The following DLGAP1 variants were observed in gnomAD, a reference collection of about 807,000 sequenced individuals.
The protein encoded by DLGAP1 is DLG associated protein 1.
In DLGAP1, 11 loss-of-function variants were observed where a neutral mutation model predicts 90.8. The observed-to-expected ratio is 0.12, with a 90% CI of 0.08 to 0.20. DLGAP1 has a LOEUF of 0.20. Among genes scored for constraint, DLGAP1 ranks in the 10% least tolerant of loss-of-function variants. The pLI is 1.00. For synonymous variants in DLGAP1, 558 were observed against 540.7 expected (o/e 1.03, Z -0.44); for missense variants, 1,050 against 1,333.8 (o/e 0.79, Z 3.31).
intron 2 of DLGAP1, among the ~76,000 whole-genome samples, chr18:4,143,044 C>A (rs749642978): frequency 1.2e-4 from 18 of 152,304 alleles, no homozygotes; most frequent in Admixed American, 9.8e-4. Flanking sequence ...GCCACCACCA[C>A]TGGGACTGTG....
intron 3 of DLGAP1, among the ~76,000 whole-genome samples, chr18:3,972,524 T>C (rs62083613): frequency 1.5e-4 from 15 of 102,266 alleles, no homozygotes; most frequent in Non-Finnish European, 2.7e-4. Flanking sequence ...CTCTCTCTCT[T>C]TCTTTCTTTC....
intron 7 of DLGAP1, among the ~76,000 whole-genome samples, chr18:3,659,827 G>A (rs2059626738): frequency 6.6e-6 from 1 of 152,164 alleles, no homozygotes; most frequent in Admixed American, 6.5e-5. Flanking sequence ...GCCTCCCAAA[G>A]TGCTGGGATT....
At chr18:3,901,164 G>A (rs1051461363) in intron 3 of DLGAP1, among the ~76,000 whole-genome samples, 3 of 152,086 alleles carry the variant, frequency 2.0e-5, no homozygotes, top group Admixed American at 2.0e-4. Flanking sequence ...CTGGCTCCCT[G>A]TTCTTTACGA....
intron 2 of DLGAP1, among the ~76,000 whole-genome samples, chr18:4,102,147 A>G (rs2075789632): frequency 6.6e-6 from 1 of 152,186 alleles, no homozygotes; most frequent in Non-Finnish European, 1.5e-5. Context: ...TTTACCCAAA[A>G]TAGATGTTCA....
chr18:3,801,065 A>AAGGG (rs1457348420), intron 5 of DLGAP1, among the ~76,000 whole-genome samples: 4 of 152,118 alleles, frequency 2.6e-5, no homozygotes, highest in Non-Finnish European at 4.4e-5. Flanking sequence ...CGGTGAGAGC[A>AAGGG]AGGGAGCAAG....
intron 5 of DLGAP1, among the ~76,000 whole-genome samples, chr18:3,751,858 C>T (rs1167102882): frequency 3.4e-5 from 5 of 145,908 alleles, no homozygotes; most frequent in Non-Finnish European, 3.0e-5. Context: ...CCACTGTGCC[C>T]GGACTTCTTC....
chr18:3,824,094 A>G (rs912284154), intron 4 of DLGAP1, among the ~76,000 whole-genome samples: 6 of 151,898 alleles, frequency 4.0e-5, no homozygotes, highest in African/African-American at 1.2e-4. Context: ...TATTGGAGGC[A>G]TATCTGTTGG....
chr18:4,056,720 C>G (rs937192208), intron 2 of DLGAP1, among the ~76,000 whole-genome samples: 2 of 152,020 alleles, frequency 1.3e-5, no homozygotes, highest in African/African-American at 4.8e-5. Context: ...TAGGAGCCAC[C>G]TAGGAATTGA....
At chr18:3,549,622 C>T (rs2053264150) in intron 9 of DLGAP1, among the ~76,000 whole-genome samples, 1 of 152,176 alleles carries the variant, frequency 6.6e-6, no homozygotes, top group Admixed American at 6.5e-5. Flanking sequence ...TGAGCCACCA[C>T]CCCTGGCCTC....
At chr18:4,043,291 A>G (rs1454009121) in intron 2 of DLGAP1, among the ~76,000 whole-genome samples, 2 of 152,246 alleles carry the variant, frequency 1.3e-5, no homozygotes, top group Admixed American at 6.5e-5. Flanking sequence ...AGAAAATGAC[A>G]AGCTTGAAAT....
intron 1 of DLGAP1, among the ~76,000 whole-genome samples, chr18:4,199,389 T>A (rs150713282): frequency 1.8e-4 from 28 of 152,370 alleles, no homozygotes; most frequent in African/African-American, 6.3e-4. Context: ...AGAATACTTA[T>A]AATCAACAAC....
intron 3 of DLGAP1, among the ~76,000 whole-genome samples, chr18:3,907,702 G>A (rs1739315582): frequency 6.6e-6 from 1 of 152,152 alleles, no homozygotes; most frequent in South Asian, 2.1e-4. Flanking sequence ...AAGATCAAAG[G>A]CTGTGGAAGA....
At chr18:3,535,847 C>T (rs976317017) in intron 9 of DLGAP1, among the ~76,000 whole-genome samples, 1 of 151,870 alleles carries the variant, frequency 6.6e-6, no homozygotes, top group African/African-American at 2.4e-5. Flanking sequence ...GCCTGACCAA[C>T]ATGGAATAAT....
chr18:4,137,609 G>A (rs1311527234), intron 2 of DLGAP1, among the ~76,000 whole-genome samples: 5 of 152,042 alleles, frequency 3.3e-5, no homozygotes, highest in Non-Finnish European at 7.4e-5. Flanking sequence ...TTGGTATTCT[G>A]GGTCTTTTGT....
chr18:3,677,403 G>C (rs1196058972), intron 7 of DLGAP1, among the ~76,000 whole-genome samples: 1 of 152,166 alleles, frequency 6.6e-6, no homozygotes, highest in East Asian at 1.9e-4. Flanking sequence ...CTCAAAACTA[G>C]CCATTCCAAC....
At chr18:3,642,100 T>C (rs948886401) in intron 7 of DLGAP1, among the ~76,000 whole-genome samples, 2 of 152,130 alleles carry the variant, frequency 1.3e-5, no homozygotes, top group South Asian at 4.2e-4. Context: ...CTGAAGTCCA[T>C]TGTCATTATC....
At chr18:4,047,687 T>A (rs578037923) in intron 2 of DLGAP1, among the ~76,000 whole-genome samples, 2 of 152,322 alleles carry the variant, frequency 1.3e-5, no homozygotes, top group African/African-American at 4.8e-5. Context: ...CCTTGGTCAA[T>A]CACCTTTATC....
chr18:3,811,680 G>A (rs947304651), intron 5 of DLGAP1, among the ~76,000 whole-genome samples: 4 of 152,168 alleles, frequency 2.6e-5, no homozygotes, highest in African/African-American at 9.7e-5. Flanking sequence ...GCCTCTTTCT[G>A]CTCTGAAAAC....
chr18:3,749,148 C>CTTCTTT (rs2063392137), intron 5 of DLGAP1, among the ~76,000 whole-genome samples: 3 of 120,698 alleles, frequency 2.5e-5, no homozygotes, highest in African/African-American at 9.6e-5. Flanking sequence ...TCTTCTTCTT[C>CTTCTTT]TTTTTTTTTT....
Sources: allele counts gnomAD v4.1 joint callset (sites outside exome capture counted in the v4.1 genomes callset), GRCh38; gene constraint gnomAD v4.1.1; transcripts MANE v1.5; gene names NCBI Gene and HGNC (gene_info 2026-07-23, HGNC 2026-07-21).